Variants in PDE1C observed in about 807,000 individuals in gnomAD.
The protein encoded by PDE1C is phosphodiesterase 1C, also known as dual specificity calcium/calmodulin-dependent 3',5'-cyclic nucleotide phosphodiesterase 1C.
PDE1C carries 62 observed loss-of-function variants against 93.1 expected under a neutral mutation model. The ratio of observed to expected loss-of-function variants is 0.67; its 90% CI spans 0.54 to 0.82. The LOEUF is 0.82. Ranked by LOEUF, PDE1C falls within the 40% of genes least tolerant of loss-of-function variation. The pLI, the probability that PDE1C is intolerant of heterozygous loss-of-function variation, is 0.00. For missense variants in PDE1C, 742 were observed against 884.6 expected (o/e 0.84, Z 2.04); for synonymous variants, 325 against 310.1 (o/e 1.05, Z -0.50).
At chr7:31,707,136 C>T in the PDE1C span, 1 of 1,437,162 alleles carries the variant, frequency 7.0e-7, no homozygotes, top group Non-Finnish European at 9.7e-7. Flanking sequence ...TGTACTGTGT[C>T]TGTCTGCAAC....
At chr7:32,188,747 A>G (rs1311626012) in intron 2 of PDE1C, among the ~76,000 whole-genome samples, 1 of 152,044 alleles carries the variant, frequency 6.6e-6, no homozygotes, top group African/African-American at 2.4e-5. Flanking sequence ...AGTTCTTCAG[A>G]TTTTATTTGA....
intron 3 of PDE1C, among the ~76,000 whole-genome samples, chr7:32,105,557 T>TA (rs1798255333): frequency 6.6e-6 from 1 of 152,126 alleles, no homozygotes; most frequent in African/African-American, 2.4e-5. Context: ...GAGAAGGACA[T>TA]ACACTCCTCT....
chr7:32,264,502 C>A (rs1810432857), intron 1 of PDE1C, among the ~76,000 whole-genome samples: 1 of 152,192 alleles, frequency 6.6e-6, no homozygotes, highest in African/African-American at 2.4e-5. Context: ...TTACACTCTG[C>A]TATTTTCATG....
At chr7:32,101,898 A>C (rs1411660693) in intron 3 of PDE1C, among the ~76,000 whole-genome samples, 1 of 152,140 alleles carries the variant, frequency 6.6e-6, no homozygotes, top group East Asian at 1.9e-4. Flanking sequence ...TGGAAGGTGA[A>C]GGAGGAGCCA....
intron 2 of PDE1C, among the ~76,000 whole-genome samples, chr7:32,190,562 A>G (rs1388558498): frequency 6.6e-6 from 1 of 152,218 alleles, no homozygotes; most frequent in African/African-American, 2.4e-5. Context: ...GTAACTGAGT[A>G]TGAATCTCTA....
At chr7:32,183,937 A>C (rs1400954063) in intron 2 of PDE1C, among the ~76,000 whole-genome samples, 3 of 152,210 alleles carry the variant, frequency 2.0e-5, no homozygotes, top group Non-Finnish European at 4.4e-5. Context: ...TCTACAATGA[A>C]CTCAAACAAA....
rs138329829 is a variant in PDE1C at position 31,773,731 on chromosome 7, C to T, written c.1960+1933G>A. 1.9e-3 allele frequency among the ~76,000 whole-genome samples: 284 copies of T among 152,214 alleles called. 2 individuals are homozygous for T. Among genetic ancestry groups the T allele is most frequent in the African/African-American group, 6.2e-3 (257 of 41,542 alleles). ...AACTAAATGGGAGGCTGCTCACTCA[C>T]GCACCACGTACCCAGCTTAGAAACA... On this transcript the variant is annotated intron_variant, in intron 17 of 17. Coordinates refer to ENST00000396191, the MANE Select transcript of PDE1C (RefSeq NM_001191057.4).
the PDE1C span, among the ~76,000 whole-genome samples, chr7:31,644,774 A>G: frequency 6.6e-6 from 1 of 152,202 alleles, no homozygotes; most frequent in Non-Finnish European, 1.5e-5. Flanking sequence ...AATTAAGACT[A>G]TTGCACATAA....
Position 31,837,152 on chromosome 7 carries a change from T to C in PDE1C, c.1203+28A>G, listed in dbSNP as rs2270218. 1,182,472 of 1,602,112 alleles carry C rather than the reference T, an allele frequency of 0.74. 437,761 individuals carry two copies. Among genetic ancestry groups the C allele is most frequent in the African/African-American group, 0.77 (57,342 of 74,598 alleles). On this transcript the variant is annotated intron_variant, in intron 11 of 17. Transcript: ENST00000396191. ...TTCATAAAATATCCAATGATGACAG[T>C]CCTGATGGAGAGAGAGCAACAAGGT... is the stretch of plus-strand genomic sequence containing the variant.
chr7:31,769,915 C>A (rs534822388), intron 17 of PDE1C, among the ~76,000 whole-genome samples: 28 of 152,174 alleles, frequency 1.8e-4, no homozygotes, highest in Non-Finnish European at 3.5e-4. Flanking sequence ...CTAGGTTCAT[C>A]CATGTTGTAA....
chr7:31,983,961 C>A (rs1196812886), intron 2 of PDE1C, among the ~76,000 whole-genome samples: 1 of 152,058 alleles, frequency 6.6e-6, no homozygotes, highest in Non-Finnish European at 1.5e-5. Flanking sequence ...GTCAAAGATG[C>A]TGCAGGCTGC....
chr7:31,623,153 AC>A, the PDE1C span, among the ~76,000 whole-genome samples: 7 of 152,184 alleles, frequency 4.6e-5, no homozygotes, highest in Admixed American at 4.6e-4. Flanking sequence ...AGATGGATTC[AC>A]AGCCGAATTC....
At chr7:31,803,906 T>C (rs1405974561) in intron 16 of PDE1C, among the ~76,000 whole-genome samples, 6 of 152,032 alleles carry the variant, frequency 3.9e-5, no homozygotes, top group African/African-American at 1.4e-4. Context: ...CCTTTGGGTA[T>C]ATACCCAGTA....
At chr7:31,660,416 T>A in the PDE1C span, among the ~76,000 whole-genome samples, 1 of 152,192 alleles carries the variant, frequency 6.6e-6, no homozygotes, top group African/African-American at 2.4e-5. Flanking sequence ...TTTATAAAGA[T>A]ACATAATAGA....
chr7:31,880,824 T>G lies in PDE1C; in HGVS notation c.165A>C (p.Glu55Asp). 6.2e-7 allele frequency: 1 copy of G among 1,611,412 alleles called. No homozygotes were observed. The highest frequency in any genetic ancestry group is 8.5e-7 in the Non-Finnish European group (1 of 1,177,678). The change falls in exon 3 of 18, where the codon GAA becomes GAC. Residue 55 changes from glutamate (E) to aspartate (D), a missense_variant. Glu to Asp is a conservative substitution (Grantham distance 45). Coordinates refer to ENST00000396191, the MANE Select transcript of PDE1C (RefSeq NM_001191057.4). ...TCTTCTTAAGATCTACCACTGAAGC[T>G]TCCCCTCTCTCTAATTGTTTGACCA... ...RSLVKQLERG[E>D]ASVVDLKKNL...
In PDE1C at chr7:32,093,030, A is replaced by G. The variant is rs566707700; in HGVS notation, c.308+76755T>C. 2.0e-5 allele frequency among the ~76,000 whole-genome samples: 3 copies of G among 152,354 alleles called. No individual in the cohort carries two copies. In the South Asian group the frequency reaches 6.2e-4, roughly 32 times the overall value. On this transcript the variant is annotated intron_variant, in intron 3 of 18. Coordinates refer to the PDE1C transcript ENST00000396193. ...TGTCTGCTGGGGACTAAGAGGGTTCATGGGATTTTCAGGTTTAAATGCAAG... is the reference window on the plus strand; with the variant it reads ...TGTCTGCTGGGGACTAAGAGGGTTCGTGGGATTTTCAGGTTTAAATGCAAG...
At chr7:32,395,524 C>T (rs763332600) in intron 1 of PDE1C, among the ~76,000 whole-genome samples, 5 of 152,162 alleles carry the variant, frequency 3.3e-5, no homozygotes, top group African/African-American at 7.2e-5. Context: ...TGGACAGGTG[C>T]GCAGAAGCCA....
rs561587360 is a variant in PDE1C, at chr7:32,131,699, G to A, written c.308+38086C>T. Among the ~76,000 whole-genome samples the A allele has an allele frequency of 2.0e-5, 3 of 152,220 alleles. No individual in the cohort carries two copies. The East Asian group carries it at 5.8e-4, about 29-fold the overall frequency. ...CCTCCTCTTGATTGCCATTGTCCTA[G>A]TTCAGCTTCTCCTTTTCTCACCTCT... On this transcript the variant is annotated intron_variant, in intron 3 of 18. Coordinates refer to the PDE1C transcript ENST00000396193.
chr7:31,639,589 T>A, the PDE1C span, among the ~76,000 whole-genome samples: 1 of 148,460 alleles, frequency 6.7e-6, no homozygotes, highest in Non-Finnish European at 1.5e-5. Context: ...CAGGCTGGAG[T>A]GCAGTGGCGC....
Sources: allele counts gnomAD v4.1 joint callset (sites outside exome capture counted in the v4.1 genomes callset), GRCh38; gene constraint gnomAD v4.1.1; transcripts MANE v1.5; gene names NCBI Gene and HGNC (gene_info 2026-07-23, HGNC 2026-07-21).